GADL1: variants seen among roughly 807,000 people sequenced by gnomAD.
The protein encoded by GADL1 is acidic amino acid decarboxylase GADL1.
A neutral mutation model predicts 69.5 loss-of-function variants in GADL1; 71 were observed. The ratio of observed to expected loss-of-function variants is 1.02; its 90% CI spans 0.84 to 1.25. The LOEUF (loss-of-function observed/expected upper bound fraction) is 1.25, where lower values mean the gene tolerates loss of function less well. Ranked by LOEUF, GADL1 falls within the 50% of genes most tolerant of loss-of-function variation. GADL1 has a pLI of 0.00. For synonymous variants in GADL1, 254 were observed against 214.4 expected, an observed-to-expected ratio of 1.18 and a Z score of -1.62; for missense variants, 737 against 631.8, an observed-to-expected ratio of 1.17 and a Z score of -1.79.
At chr3:30,749,882 A>T (rs540921366) in intron 14 of GADL1, among the ~76,000 whole-genome samples, 1 of 152,228 alleles carries the variant, frequency 6.6e-6, no homozygotes, top group Non-Finnish European at 1.5e-5. Context: ...GCTATCTGTC[A>T]TAACTGAAGA....
At chr3:30,843,741 T>C (rs550274227) in intron 8 of GADL1, among the ~76,000 whole-genome samples, 3 of 152,140 alleles carry the variant, frequency 2.0e-5, no homozygotes, top group East Asian at 3.9e-4. Context: ...TAGTAATAGA[T>C]GGGTTTGGGA....
intron 4 of GADL1, among the ~76,000 whole-genome samples, chr3:30,852,975 C>A (rs991856290): frequency 6.6e-6 from 1 of 152,124 alleles, no homozygotes; most frequent in African/African-American, 2.4e-5. Context: ...CCTAAAGTTG[C>A]CAGTGACGTC....
chr3:30,801,286 T>C (rs1385681387), intron 11 of GADL1, among the ~76,000 whole-genome samples, 198 bp from the exon 12 acceptor site: 1 of 152,112 alleles, frequency 6.6e-6, no homozygotes, highest in African/African-American at 2.4e-5. Context: ...AAACAAAACT[T>C]CAGAGTTGAC....
intron 14 of GADL1, among the ~76,000 whole-genome samples, chr3:30,756,522 CTG>C (rs1350390728): frequency 1.3e-5 from 2 of 152,206 alleles, no homozygotes; most frequent in South Asian, 2.1e-4. Context: ...TTCCTCATCT[CTG>C]TAATCTAGCC....
intron 11 of GADL1, among the ~76,000 whole-genome samples, chr3:30,829,225 ATTC>A (rs1697745911): frequency 6.6e-6 from 1 of 151,740 alleles, no homozygotes; most frequent in South Asian, 2.1e-4. Flanking sequence ...TATTCCTGTG[ATTC>A]TTTTTATTCC....
intron 9 of GADL1, among the ~76,000 whole-genome samples, chr3:30,836,314 A>T (rs1383120441): frequency 6.6e-6 from 1 of 151,932 alleles, no homozygotes; most frequent in Non-Finnish European, 1.5e-5. Context: ...TTGAAATCAC[A>T]GGAACCCTTC....
In GADL1 at chr3:30,780,396, C is replaced by T. The variant is rs181579692; in HGVS notation, c.1303-2128G>A. On this transcript the variant is annotated intron_variant, in intron 13 of 14. Transcript: ENST00000282538. ...GGGAAGGGATGGACTCTCCCTTGGG[C>T]GCTCTATCTCAGTGCCAGGTGTGGT... Among the ~76,000 whole-genome samples, 130 of 152,260 alleles carry T rather than the reference C, an allele frequency of 8.5e-4. 1 individual carries two copies. The highest frequency in any genetic ancestry group is 6.8e-3 in the Middle Eastern group (2 of 294).
At position 30,775,017 on chromosome 3, in the gene GADL1, CATA is replaced by C. The variant is rs541346045; in HGVS notation, c.1392+3159_1392+3161del. On this transcript the variant is annotated intron_variant, in intron 14 of 14. Transcript: ENST00000282538. ...GGGAAGTAATGAAGACCTAAGATAT[CATA>C]ATGAGTGAGAGTCAGAGGAGGATTT... Among the ~76,000 whole-genome samples the C allele has an allele frequency of 2.3e-3, 356 of 152,256 alleles. 1 individual carries two copies. Among genetic ancestry groups the C allele is most frequent in the Non-Finnish European group, 3.5e-3 (235 of 68,012 alleles).
At chr3:30,758,195 G>T (rs1257039315) in intron 14 of GADL1, among the ~76,000 whole-genome samples, 1 of 152,124 alleles carries the variant, frequency 6.6e-6, no homozygotes, top group Non-Finnish European at 1.5e-5. Context: ...CTTTGCCTTT[G>T]TAGTACATTC....
chr3:30,758,651 G>C (rs944035522), intron 14 of GADL1, among the ~76,000 whole-genome samples: 1 of 152,266 alleles, frequency 6.6e-6, no homozygotes, highest in South Asian at 2.1e-4. Flanking sequence ...CAACTTGGTG[G>C]AAGAAGAGAG....
intron 4 of GADL1, among the ~76,000 whole-genome samples, chr3:30,852,285 C>T (rs746519767): frequency 1.3e-4 from 20 of 152,042 alleles, no homozygotes; most frequent in South Asian, 4.2e-4. Flanking sequence ...GAGTTCAAGG[C>T]GGGTGGATCA....
intron 1 of GADL1, among the ~76,000 whole-genome samples, chr3:30,863,551 C>A (rs907293983): frequency 5.3e-5 from 8 of 151,992 alleles, no homozygotes; most frequent in African/African-American, 1.9e-4. Flanking sequence ...TTGATTCAAT[C>A]ACATTCTCTT....
intron 1 of GADL1, 131 bp downstream of exon 1, chr3:30,894,444 TGGG>T (rs1698829837): frequency 1.7e-6 from 1 of 602,342 alleles, no homozygotes; most frequent in Admixed American, 3.4e-5. Context: ...TCCATGAAGA[TGGG>T]GACTTTCTAC....
chr3:30,841,936 T>G (rs72851405), intron 8 of GADL1, among the ~76,000 whole-genome samples: 1 of 152,138 alleles, frequency 6.6e-6, no homozygotes, highest in Non-Finnish European at 1.5e-5. Flanking sequence ...ACAGAAAATA[T>G]AAAGAACAAA....
chr3:30,805,971 A>G (rs1046030254), intron 11 of GADL1, among the ~76,000 whole-genome samples: 2 of 151,712 alleles, frequency 1.3e-5, no homozygotes, highest in Non-Finnish European at 2.9e-5. Flanking sequence ...CGGGAGGAGG[A>G]GCTCAGGTGG....
At chr3:30,786,512 A>T in intron 12 of GADL1, 106 bp from the exon 13 acceptor site, 2 of 689,286 alleles carry the variant, frequency 2.9e-6, no homozygotes, top group Non-Finnish European at 5.2e-6. Context: ...GATAAGAAAG[A>T]TACAGATAAA....
chr3:30,826,062 G>A (rs1697676600), intron 11 of GADL1, among the ~76,000 whole-genome samples: 1 of 151,758 alleles, frequency 6.6e-6, no homozygotes, highest in African/African-American at 2.4e-5. Flanking sequence ...GCTTATTATG[G>A]CATAAATTTT....
intron 14 of GADL1, among the ~76,000 whole-genome samples, chr3:30,756,717 G>T (rs1360834451): frequency 2.0e-5 from 3 of 152,170 alleles, no homozygotes; most frequent in Non-Finnish European, 2.9e-5. Context: ...GAGTTTAGTT[G>T]TCCCAGATGA....
At position 30,800,657 on chromosome 3, in the gene GADL1, G is replaced by A. The variant is rs534424438; in HGVS notation, c.1250+232C>T. 3.9e-5 allele frequency: 21 copies of A among 534,394 alleles called. 2 individuals are homozygous for A. In the South Asian group the frequency reaches 4.3e-4, roughly 11 times the overall value. 33.1% of individuals were successfully genotyped at this position (534,394 alleles called of 1,614,324 possible). A position where few individuals can be genotyped will look rare whatever the true frequency, so the allele number is the denominator to read the frequency against. ...CAGTAGGCTAGGATCTTGGAGGGAGGTGATAGGACTGCTCTGTTCATAATT... is the reference window on the plus strand; with the variant it reads ...CAGTAGGCTAGGATCTTGGAGGGAGATGATAGGACTGCTCTGTTCATAATT... On this transcript the variant is annotated intron_variant, in intron 12 of 14. Coordinates refer to ENST00000282538, the MANE Select transcript of GADL1 (RefSeq NM_207359.3).
Sources: allele counts gnomAD v4.1 joint callset (sites outside exome capture counted in the v4.1 genomes callset), GRCh38; gene constraint gnomAD v4.1.1; transcripts MANE v1.5; gene names NCBI Gene and HGNC (gene_info 2026-07-23, HGNC 2026-07-21).